Variants in RIF1 observed in about 807,000 individuals in gnomAD.
The protein encoded by RIF1 is replication timing regulatory factor 1.
A neutral mutation model predicts 247.1 loss-of-function variants in RIF1; 45 were observed. That is an observed-to-expected ratio of 0.18 (90% CI 0.14 to 0.23). The LOEUF (loss-of-function observed/expected upper bound fraction) is 0.23. RIF1 is among the 10% of genes least tolerant of loss of function. The pLI, the probability that RIF1 is intolerant of heterozygous loss-of-function variation, is 1.00. For synonymous variants in RIF1, 1,087 were observed against 978.8 expected, an observed-to-expected ratio of 1.11 and a Z score of -2.06; for missense variants, 2,967 against 2,862.5, an observed-to-expected ratio of 1.04 and a Z score of -0.83.
intron 4 of RIF1, among the ~76,000 whole-genome samples, chr2:151,415,154 T>C (rs1457708571): frequency 6.6e-6 from 1 of 151,828 alleles, no homozygotes; most frequent in Non-Finnish European, 1.5e-5. Flanking sequence ...GAGACCATCC[T>C]GGCTAACATG....
At chr2:151,471,553 G>A (rs2048528515) in intron 34 of RIF1, among the ~76,000 whole-genome samples, 2 of 152,168 alleles carry the variant, frequency 1.3e-5, no homozygotes, top group Admixed American at 1.3e-4. Context: ...TGTATAAGGT[G>A]TAAGGAAGGG....
At chr2:151,441,438 C>T (rs1692277004) in intron 15 of RIF1, among the ~76,000 whole-genome samples, 1 of 152,140 alleles carries the variant, frequency 6.6e-6, no homozygotes, top group African/African-American at 2.4e-5. Flanking sequence ...AAATAATGGA[C>T]ATTCATATAG....
the RIF1 span, chr2:151,514,431 A>G: frequency 8.7e-5 from 138 of 1,587,588 alleles, no homozygotes; most frequent in Non-Finnish European, 1.1e-4. Context: ...TACTCTTTCT[A>G]TATCATGAAA....
the RIF1 span, among the ~76,000 whole-genome samples, chr2:151,528,877 G>A: frequency 2.6e-5 from 4 of 152,110 alleles, no homozygotes; most frequent in African/African-American, 9.7e-5. Context: ...GAGAGCACAG[G>A]GAAAGAGAAT....
intron 16 of RIF1, among the ~76,000 whole-genome samples, chr2:151,442,840 C>T (rs1365147560): frequency 2.1e-5 from 3 of 140,018 alleles, no homozygotes; most frequent in Admixed American, 8.4e-5. Context: ...GGCGTGATCT[C>T]GGCTCACTGC....
At chr2:151,487,547 C>G (rs1029670356) in intron 9 of RIF1, among the ~76,000 whole-genome samples, 7 of 152,052 alleles carry the variant, frequency 4.6e-5, no homozygotes, top group African/African-American at 1.7e-4. Flanking sequence ...GTATCTTACC[C>G]TTTTTGACTG....
chr2:151,410,566 T>A, intron 2 of RIF1, 39 bp downstream of exon 2: 3 of 1,500,300 alleles, frequency 2.0e-6, no homozygotes, highest in Non-Finnish European at 2.8e-6. Context: ...AGTGGGGCGC[T>A]CTATAGTGGG....
chr2:151,414,582 A>G (rs1288887003), intron 3 of RIF1, among the ~76,000 whole-genome samples: 2 of 152,162 alleles, frequency 1.3e-5, no homozygotes, highest in South Asian at 2.1e-4. Flanking sequence ...ATAGGTGTAG[A>G]GATATCCTTT....
At position 151,435,894 on chromosome 2, in the gene RIF1, CTG is replaced by C. The variant is rs556288510; in HGVS notation, c.1195+316_1195+317del. On this transcript the variant is annotated intron_variant, in intron 11 of 35. Transcript: ENST00000444746. ...AAGCCTCAGAGCAGCTAACATGAAG[CTG>C]TTGATTTTAGAACCAGAATCTTAGC... is the stretch of plus-strand genomic sequence containing the variant. Among the ~76,000 whole-genome samples, 21 of 152,026 alleles carry C rather than the reference CTG, an allele frequency of 1.4e-4. 1 individual carries two copies. In the South Asian group the frequency reaches 3.9e-3, roughly 29 times the overall value.
At chr2:151,499,628 C>T in intron 11 of RIF1, 1 of 329,228 alleles carries the variant, frequency 3.0e-6, no homozygotes, top group East Asian at 6.7e-5. Flanking sequence ...ATATTTATTT[C>T]CTGTGCCAGG....
chr2:151,423,097 T>C, intron 8 of RIF1, 55 bp downstream of exon 8: 1 of 914,444 alleles, frequency 1.1e-6, no homozygotes, highest in Admixed American at 2.1e-5. Context: ...ACTCTTTATT[T>C]TCTTACCTTT....
intron 9 of RIF1, among the ~76,000 whole-genome samples, chr2:151,432,159 C>T (rs1690276300): frequency 6.6e-6 from 1 of 152,062 alleles, no homozygotes; most frequent in African/African-American, 2.4e-5. Flanking sequence ...CAGGAGCCAC[C>T]GCCATGCCTA....
chr2:151,441,917 A>G lies in RIF1; in HGVS notation c.1660A>G (p.Ile554Val). ...TTATCTCTCATAGGTCCTCATGGAA[A>G]TTACAATTAAAGGACTTCCTCAGAA... ...PVSKTLVLME[I>V]TIKGLPQKVL... Residue 554 changes from isoleucine (I) to valine (V), a missense_variant, in exon 16 of 36, where the codon ATT becomes GTT. Coordinates refer to ENST00000444746, the MANE Select transcript of RIF1 (RefSeq NM_018151.5). 6.5e-7 allele frequency: 1 copy of G among 1,544,812 alleles called. No homozygotes were observed. Among genetic ancestry groups the G allele is most frequent in the Non-Finnish European group, 8.8e-7 (1 of 1,130,616 alleles).
the RIF1 span, chr2:151,533,549 G>A: frequency 1.9e-6 from 3 of 1,542,484 alleles, no homozygotes; most frequent in Non-Finnish European, 2.6e-6. Flanking sequence ...TATTTTCTCT[G>A]TCCATGCAAA....
At chr2:151,518,049 TACCATGAGGG>T in the RIF1 span, among the ~76,000 whole-genome samples, 1 of 152,140 alleles carries the variant, frequency 6.6e-6, no homozygotes, top group Non-Finnish European at 1.5e-5. Flanking sequence ...ACATTGGAGT[TACCATGAGGG>T]GTTTGTCCCC....
At chr2:151,432,984 C>G in intron 9 of RIF1, 93 bp from the exon 10 acceptor site, 1 of 966,236 alleles carries the variant, frequency 1.0e-6, no homozygotes, top group Admixed American at 2.7e-5. Flanking sequence ...AAAATACGTT[C>G]TCTTGCTGTG....
chr2:151,463,806 C>G lies in RIF1; in HGVS notation c.4286C>G (p.Thr1429Ser), dbSNP rs1391652446. 2 of 1,612,320 alleles carry G rather than the reference C, an allele frequency of 1.2e-6. No homozygotes were observed. The highest frequency in any genetic ancestry group is 1.7e-6 in the Non-Finnish European group (2 of 1,179,668). Residue 1429 changes from threonine to serine, a missense_variant, in exon 30 of 36, where the codon ACT (threonine) becomes AGT (serine). Around this residue, in one of 7 missense-constraint regions of RIF1, gnomAD observed 2,028 missense variants for 1,825.6 expected, o/e 1.11. Transcript: ENST00000444746. ...RRRSEVVEST[T>S]ESQDKENSHQ... ...CGTTCAGAAGTAGTAGAGTCTACCACTGAAAGCCAAGATAAGGAAAATAGT... is the reference window on the plus strand; with the variant it reads ...CGTTCAGAAGTAGTAGAGTCTACCAGTGAAAGCCAAGATAAGGAAAATAGT...
rs964323873 is a variant in RIF1, at chr2:151,425,714, T to G, written c.786+2672T>G. 1.5e-4 allele frequency among the ~76,000 whole-genome samples: 20 copies of G among 129,360 alleles called. No individual in the cohort carries two copies. In the Admixed American group the frequency reaches 1.9e-3, roughly 12 times the overall value. 84.9% of individuals were successfully genotyped at this position (129,360 alleles called of 152,430 possible). ...CAGAGTCTTACTCTGTTGCCTAGGC[T>G]GGAGTGCAGTGGCATGATCTCGGCT... is the stretch of plus-strand genomic sequence containing the variant. On this transcript the variant is annotated intron_variant, in intron 8 of 35. Transcript: ENST00000444746.
chr2:151,516,441 G>A, the RIF1 span: 1 of 1,526,518 alleles, frequency 6.6e-7, no homozygotes, highest in South Asian at 1.1e-5. Context: ...GTTGTGTGGT[G>A]TGGTTTTTTT....
Sources: gnomAD v4.1 joint callset for allele counts (sites outside exome capture counted in the v4.1 genomes callset) on GRCh38, gnomAD v4.1.1 for gene constraint, gnomAD v4.1.1 regional missense constraint, MANE v1.5 for transcripts, NCBI Gene and HGNC (gene_info 2026-07-23, HGNC 2026-07-21) for gene names.